NSD2: variants seen among roughly 807,000 people sequenced by gnomAD.
The protein encoded by NSD2 is histone-lysine N-methyltransferase NSD2.
NSD2 carries 12 observed loss-of-function variants against 139.0 expected under a neutral mutation model. The observed-to-expected ratio is 0.09, with a 90% CI of 0.06 to 0.14. The LOEUF is 0.14. NSD2 is among the 10% of genes least tolerant of loss of function. The pLI, the probability that NSD2 is intolerant of heterozygous loss-of-function variation, is 1.00. For synonymous variants in NSD2, 669 were observed against 648.7 expected (o/e 1.03, Z -0.48); for missense variants, 1,155 against 1,745.0 (o/e 0.66, Z 6.02).
intron 1 of NSD2, among the ~76,000 whole-genome samples, chr4:1,895,589 C>T (rs1716160864): frequency 6.6e-6 from 1 of 151,908 alleles, no homozygotes; most frequent in East Asian, 1.9e-4. Flanking sequence ...CAGTAATTTC[C>T]TGTTCTCCTG....
At chr4:1,943,971 G>A in intron 9 of NSD2, 1 of 1,065,014 alleles carries the variant, frequency 9.4e-7, no homozygotes, top group African/African-American at 1.6e-5. Flanking sequence ...TATGGAGAAA[G>A]CAAAACCCTG....
chr4:1,898,665 A>C lies in NSD2; in HGVS notation c.-29-1961A>C, dbSNP rs1253382317. Among the ~76,000 whole-genome samples, 21 of 149,674 alleles carry C rather than the reference A, an allele frequency of 1.4e-4. 1 individual carries two copies. Among genetic ancestry groups the C allele is most frequent in the South Asian group, 4.2e-4 (2 of 4,798 alleles). On this transcript the variant is annotated intron_variant, in intron 1 of 21. Coordinates refer to ENST00000508803, the MANE Select transcript of NSD2 (RefSeq NM_001042424.3). ...ACAGAGCGAGACTCCGTCTAAAAAAAAAAAAACAAAAAACAAAAAACACAC... is the reference window on the plus strand; with the variant it reads ...ACAGAGCGAGACTCCGTCTAAAAAACAAAAAACAAAAAACAAAAAACACAC...
At chr4:1,916,010 C>G (rs909698446) in intron 3 of NSD2, among the ~76,000 whole-genome samples, 1 of 152,108 alleles carries the variant, frequency 6.6e-6, no homozygotes, top group Non-Finnish European at 1.5e-5. Flanking sequence ...TCTTTCTTTC[C>G]TCATCCCCCT....
Position 1,958,078 on chromosome 4 carries a change from T to C in NSD2, c.2985+42T>C. 1 of 1,590,516 alleles carries C rather than the reference T, an allele frequency of 6.3e-7. No individual in the cohort carries two copies. Among genetic ancestry groups the C allele is most frequent in the Non-Finnish European group, 8.6e-7 (1 of 1,163,300 alleles). On this transcript the variant is annotated intron_variant, in intron 16 of 21. Coordinates refer to ENST00000508803, the MANE Select transcript of NSD2 (RefSeq NM_001042424.3). The surrounding 1 kb of genome is among the most constrained non-coding windows in gnomAD (Gnocchi z 4.6). ...GCGTGCACGCGTGTGGAGGGAGTCT[T>C]CCCCGAGGGCCGTGAGAGGTTCTTA...
intron 1 of NSD2, among the ~76,000 whole-genome samples, chr4:1,881,157 A>G (rs1050913111): frequency 2.6e-5 from 4 of 152,052 alleles, no homozygotes; most frequent in African/African-American, 9.7e-5. Flanking sequence ...TTTTTTTGAG[A>G]TAGGGTCCCT....
intron 7 of NSD2, among the ~76,000 whole-genome samples, chr4:1,936,649 CAGA>C (rs1287972589): frequency 8.3e-6 from 1 of 119,854 alleles, no homozygotes; most frequent in African/African-American, 3.3e-5. Context: ...GCCTGGGTGA[CAGA>C]AGGAGACTCC....
At chr4:1,937,928 G>A (rs1722596858) in intron 7 of NSD2, among the ~76,000 whole-genome samples, 1 of 152,194 alleles carries the variant, frequency 6.6e-6, no homozygotes, top group South Asian at 2.1e-4. Flanking sequence ...TTCATTAGGT[G>A]TATCTGGTGT....
rs371529672 is a variant in NSD2 at position 1,918,153 on chromosome 4, A to G, written c.940A>G (p.Ile314Val). ...KAEKIKLLKP[I>V]SGKLRAQWEM... ...TTTTTTTTCCCAGCTATTGAAACCA[A>G]TTTCAGGGAAATTGAGGGCCCAGTG... The change falls in exon 5 of 22, where the codon ATT (isoleucine) becomes GTT (valine). Residue 314 changes from isoleucine (I) to valine (V), a missense_variant. This residue lies in a region of NSD2 where 420 missense variants were observed against 469.0 expected (regional missense o/e 0.90). Coordinates refer to ENST00000508803, the MANE Select transcript of NSD2 (RefSeq NM_001042424.3). The G allele has an allele frequency of 1.2e-4, 197 of 1,609,666 alleles. No homozygotes were observed. Among genetic ancestry groups the G allele is most frequent in the Non-Finnish European group, 1.6e-4 (189 of 1,178,400 alleles).
At chr4:1,919,163 G>C (rs1376096747) in intron 5 of NSD2, 4 of 130,982 alleles carry the variant, frequency 3.1e-5, no homozygotes, top group Non-Finnish European at 6.2e-5. Context: ...GCGAGACTGT[G>C]TCTCAAAAAA....
At chr4:1,945,780 C>T (rs1723564486) in intron 9 of NSD2, 2 of 1,064,274 alleles carry the variant, frequency 1.9e-6, no homozygotes, top group Non-Finnish European at 1.1e-6. Context: ...GGGCCTGAGA[C>T]GTGCATGGAG....
chr4:1,914,789 T>A (rs1323194391), intron 3 of NSD2, among the ~76,000 whole-genome samples: 1 of 152,218 alleles, frequency 6.6e-6, no homozygotes, highest in Non-Finnish European at 1.5e-5. Flanking sequence ...ATTCTTCACA[T>A]ACCTTGCTAT....
chr4:1,910,434 A>G (rs979324383), intron 3 of NSD2, among the ~76,000 whole-genome samples: 2 of 152,228 alleles, frequency 1.3e-5, no homozygotes, highest in African/African-American at 4.8e-5. Flanking sequence ...CATATTGGCC[A>G]GGCTGGTCAA....
rs1345347870 is a variant in NSD2 at position 1,948,703 on chromosome 4, T to C, written c.1882-2369T>C. 9.5e-7 allele frequency: 1 copy of C among 1,053,624 alleles called. No individual in the cohort carries two copies. Among genetic ancestry groups the C allele is most frequent in the Non-Finnish European group, 1.1e-6 (1 of 870,892 alleles). 65.3% of individuals were successfully genotyped at this position (1,053,624 alleles called of 1,614,324 possible). The stretch of plus-strand genomic sequence containing the variant: ...CATTTATATATTTCCATTCAAAATA[T>C]GTATTCAGTGTTTATTTCCTCAAAA... On this transcript the variant is annotated intron_variant, in intron 9 of 21. Coordinates refer to ENST00000508803, the MANE Select transcript of NSD2 (RefSeq NM_001042424.3). The surrounding 1 kb of genome is among the most constrained non-coding windows in gnomAD (Gnocchi z 4.5).
Position 1,964,502 on chromosome 4 carries a change from C to A in NSD2, c.3372+3351C>A, listed in dbSNP as rs140603753. Among the ~76,000 whole-genome samples, 3 of 152,170 alleles carry A rather than the reference C, an allele frequency of 2.0e-5. No individual in the cohort carries two copies. In the South Asian group the frequency reaches 6.2e-4, roughly 31 times the overall value. On this transcript the variant is annotated intron_variant, in intron 18 of 21. Transcript: ENST00000508803. Reference sequence around the variant, plus strand: ...GACAGCCATGCACATGTTCTTGGAGCACCTCGCACACAGCTTGAGGGGTTC... The same window carrying A: ...GACAGCCATGCACATGTTCTTGGAGAACCTCGCACACAGCTTGAGGGGTTC...
At chr4:1,944,564 G>A in intron 9 of NSD2, 1 of 1,064,648 alleles carries the variant, frequency 9.4e-7, no homozygotes, top group Non-Finnish European at 1.1e-6. Flanking sequence ...AAAACTTGAG[G>A]CATTCACTAG....
In NSD2 at chr4:1,961,110, G is replaced by A; in HGVS notation, c.3331G>A (p.Glu1111Lys). The change falls in exon 18 of 22, where the codon GAG becomes AAG. Residue 1111 changes from glutamate (E) to lysine (K), a missense_variant. Transcript: ENST00000508803. ...ECMARIKHAHENDITHFYMLT... is the reference protein window; with the variant it reads ...ECMARIKHAHKNDITHFYMLT... ...CATGGCGAGAATCAAGCACGCACAC[G>A]AGAACGACATCACCCACTTCTACAT... 1 of 1,613,546 alleles carries A rather than the reference G, an allele frequency of 6.2e-7. No individual in the cohort carries two copies.
At chr4:1,914,869 G>T (rs970169111) in intron 3 of NSD2, among the ~76,000 whole-genome samples, 1 of 152,014 alleles carries the variant, frequency 6.6e-6, no homozygotes, top group African/African-American at 2.4e-5. Context: ...ATTTCAGCAG[G>T]GTGTGCCCTG....
At position 1,981,907 on chromosome 4, in the gene NSD2, C is replaced by CTGTT; in HGVS notation, c.*2999_*3002dup. On this transcript the variant is annotated 3_prime_UTR_variant, in exon 22 of 22. Coordinates refer to ENST00000508803, the MANE Select transcript of NSD2 (RefSeq NM_001042424.3). ...CGGGGTGTCACAGCCTCACCATACCCTGTTGAGGTGTGAAATGCCCCGTCA... is the reference window on the plus strand; with the variant it reads ...CGGGGTGTCACAGCCTCACCATACCCTGTTTGTTGAGGTGTGAAATGCCCCGTCA... 7.5e-6 allele frequency: 3 copies of CTGTT among 398,634 alleles called. No individual in the cohort carries two copies. 24.7% of individuals were successfully genotyped at this position (398,634 alleles called of 1,614,324 possible). A position where few individuals can be genotyped will look rare whatever the true frequency, so the allele number is the denominator to read the frequency against.
At chr4:1,957,719 G>T (rs1402578585) in intron 15 of NSD2, among the ~76,000 whole-genome samples, 1 of 152,110 alleles carries the variant, frequency 6.6e-6, no homozygotes, top group African/African-American at 2.4e-5. Context: ...TTGTAGAGAG[G>T]TGATGGCTGT....
Sources: gnomAD v4.1 joint callset for allele counts (sites outside exome capture counted in the v4.1 genomes callset) on GRCh38, gnomAD v4.1.1 for gene constraint, gnomAD v4.1.1 regional missense constraint, Gnocchi (gnomAD v3.1) non-coding constraint, MANE v1.5 for transcripts, NCBI Gene and HGNC (gene_info 2026-07-23, HGNC 2026-07-21) for gene names.